The following TMEM263 variants were observed in gnomAD, a reference collection of about 807,000 sequenced individuals.
TMEM263 encodes the protein transmembrane protein 263.
A neutral mutation model predicts 8.6 loss-of-function variants in TMEM263; 5 were observed. The ratio of observed to expected loss-of-function variants is 0.58; its 90% CI spans 0.31 to 1.23. The LOEUF (loss-of-function observed/expected upper bound fraction) is 1.23, where lower values mean the gene tolerates loss of function less well. Among genes scored for constraint, TMEM263 ranks in the 50% most tolerant of loss-of-function variants. TMEM263 has a pLI of 0.07. For missense variants in TMEM263, 104 were observed against 138.8 expected, an observed-to-expected ratio of 0.75 and a Z score of 1.26; for synonymous variants, 50 against 47.9, an observed-to-expected ratio of 1.04 and a Z score of -0.18.
chr12:106,956,968 C>T, intron 1 of TMEM263, 114 bp from the exon 2 acceptor site: 2 of 579,956 alleles, frequency 3.4e-6, no homozygotes. Flanking sequence ...TTTAGAAACA[C>T]CTAGAGAAAA....
chr12:106,964,149 G>T (rs1230025199), intron 2 of TMEM263, among the ~76,000 whole-genome samples: 1 of 152,138 alleles, frequency 6.6e-6, no homozygotes, highest in African/African-American at 2.4e-5. Context: ...GAAGTAAGTG[G>T]CTTCAAAATC....
At chr12:106,967,300 C>A in intron 3 of TMEM263, 120 bp downstream of exon 3, 1 of 661,482 alleles carries the variant, frequency 1.5e-6, no homozygotes, top group Non-Finnish European at 2.4e-6. Context: ...CTCTGTCAAC[C>A]CAGGCTGGAG....
At chr12:106,958,055 A>C (rs1240693351) in intron 2 of TMEM263, among the ~76,000 whole-genome samples, 2 of 152,172 alleles carry the variant, frequency 1.3e-5, no homozygotes, top group Non-Finnish European at 2.9e-5. Context: ...GGGAGTGAGG[A>C]TGTGGTAAAG....
At chr12:106,956,107 T>G (rs1320214232) in intron 1 of TMEM263, 42 bp downstream of exon 1, 1 of 941,038 alleles carries the variant, frequency 1.1e-6, no homozygotes, top group Non-Finnish European at 1.3e-6. Context: ...CAGTCCCGGC[T>G]TCCTGCCCTC....
intron 1 of TMEM263, 163 bp from the exon 2 acceptor site, chr12:106,956,919 A>G (rs1258994234): frequency 1.0e-5 from 2 of 196,340 alleles, no homozygotes; most frequent in Non-Finnish European, 1.8e-5. Context: ...GCTAGTGCCT[A>G]AAGGGATCAG....
At chr12:106,969,313 T>TA (rs1417770770) in intron 3 of TMEM263, among the ~76,000 whole-genome samples, 1 of 152,208 alleles carries the variant, frequency 6.6e-6, no homozygotes, top group Non-Finnish European at 1.5e-5. Flanking sequence ...TAGTTGGACT[T>TA]ACGTACCCAG....
chr12:106,972,735 C>T lies in TMEM263; in HGVS notation c.*1344C>T, dbSNP rs1306405748. ...TTTCTTTTCGTTTCATGTTTAATTT[C>T]ATAAAACGTTTAACAATTGGCATAT... is the stretch of plus-strand genomic sequence containing the variant. On this transcript the variant is annotated 3_prime_UTR_variant, in exon 4 of 4. Transcript: ENST00000280756. 6 of 151,948 alleles carry T rather than the reference C, an allele frequency of 3.9e-5. No individual in the cohort carries two copies. Among genetic ancestry groups the T allele is most frequent in the Admixed American group, 6.6e-5 (1 of 15,258 alleles). 9.4% of individuals were successfully genotyped at this position (151,948 alleles called of 1,614,324 possible). A position where few individuals can be genotyped will look rare whatever the true frequency, so the allele number is the denominator to read the frequency against.
chr12:106,956,918 TA>T, intron 1 of TMEM263, 163 bp from the exon 2 acceptor site: 2 of 196,194 alleles, frequency 1.0e-5, no homozygotes, highest in Non-Finnish European at 1.9e-5. Flanking sequence ...TGCTAGTGCC[TA>T]AAGGGATCAG....
intron 2 of TMEM263, among the ~76,000 whole-genome samples, chr12:106,961,863 T>C (rs1223846448): frequency 6.6e-6 from 1 of 152,198 alleles, no homozygotes; most frequent in Non-Finnish European, 1.5e-5. Context: ...TGAACAAAAC[T>C]CAGTGATACC....
Position 106,971,459 on chromosome 12 carries a change from C to A in TMEM263, c.*68C>A. ...TGGCATTGAATTGCTAAATTATGGA[C>A]TACAACCAAGTCAACTGTTTTGGAC... On this transcript the variant is annotated 3_prime_UTR_variant, in exon 4 of 4. Coordinates refer to ENST00000280756, the MANE Select transcript of TMEM263 (RefSeq NM_152261.4). 1 of 1,466,338 alleles carries A rather than the reference C, an allele frequency of 6.8e-7. No individual in the cohort carries two copies. Among genetic ancestry groups the A allele is most frequent in the Non-Finnish European group, 9.2e-7 (1 of 1,091,608 alleles). The allele number at this position is 1,466,338 out of a possible 1,614,324, so 90.8% of individuals were successfully genotyped here.
chr12:106,968,268 GGGT>G (rs1348054730), intron 3 of TMEM263, among the ~76,000 whole-genome samples: 2 of 152,056 alleles, frequency 1.3e-5, no homozygotes, highest in Admixed American at 6.6e-5. Flanking sequence ...TAGCAACAAA[GGGT>G]TTACACTTAA....
chr12:106,966,380 A>G (rs61942384), intron 2 of TMEM263, among the ~76,000 whole-genome samples: 1 of 152,208 alleles, frequency 6.6e-6, no homozygotes, highest in African/African-American at 2.4e-5. Flanking sequence ...TTCTTTATCC[A>G]GTCCACTGTT....
intron 2 of TMEM263, among the ~76,000 whole-genome samples, chr12:106,960,983 A>G (rs960135645): frequency 6.6e-6 from 1 of 152,090 alleles, no homozygotes; most frequent in African/African-American, 2.4e-5. Context: ...TGATGCTTAA[A>G]GTATATGCGG....
At chr12:106,956,956 G>T in intron 1 of TMEM263, 126 bp from the exon 2 acceptor site, 1 of 461,472 alleles carries the variant, frequency 2.2e-6, no homozygotes, top group Non-Finnish European at 2.9e-6. Context: ...CACCCGGAAG[G>T]GTTTAGAAAC....
intron 2 of TMEM263, 119 bp from the exon 3 acceptor site, chr12:106,966,992 G>T (rs1951855593): frequency 1.5e-6 from 1 of 662,912 alleles, no homozygotes; most frequent in Non-Finnish European, 2.6e-6. Context: ...TAGTTGTATA[G>T]TGGGTACAAA....
chr12:106,970,726 A>C (rs945162371), intron 3 of TMEM263, among the ~76,000 whole-genome samples: 1 of 152,254 alleles, frequency 6.6e-6, no homozygotes, highest in East Asian at 1.9e-4. Context: ...ATTAAATCCT[A>C]TCAAGGAAAT....
At chr12:106,964,862 C>T (rs1189742000) in intron 2 of TMEM263, among the ~76,000 whole-genome samples, 1 of 152,200 alleles carries the variant, frequency 6.6e-6, no homozygotes, top group Non-Finnish European at 1.5e-5. Context: ...CCACCCTCAT[C>T]CAAGCCACCA....
At chr12:106,963,391 G>A (rs1332441310) in intron 2 of TMEM263, among the ~76,000 whole-genome samples, 1 of 152,180 alleles carries the variant, frequency 6.6e-6, no homozygotes, top group African/African-American at 2.4e-5. Context: ...TAGAGGTAAT[G>A]AGAAGTGGTT....
chr12:106,958,579 T>C (rs533816017), intron 2 of TMEM263, among the ~76,000 whole-genome samples: 1 of 152,342 alleles, frequency 6.6e-6, no homozygotes, highest in South Asian at 2.1e-4. Context: ...TGATATACAG[T>C]CTACAACAAA....
Sources: allele counts gnomAD v4.1 joint callset (sites outside exome capture counted in the v4.1 genomes callset), GRCh38; gene constraint gnomAD v4.1.1; transcripts MANE v1.5; gene names NCBI Gene and HGNC (gene_info 2026-07-23, HGNC 2026-07-21).